Variants in COL23A1 observed in about 807,000 individuals in gnomAD.
The protein encoded by COL23A1 is collagen alpha-1(XXIII) chain.
Under a neutral mutation model 99.3 loss-of-function variants are expected in COL23A1, and 97 were observed. The observed-to-expected ratio is 0.98, with a 90% CI of 0.83 to 1.16. COL23A1 has a LOEUF of 1.16. COL23A1 is among the 50% of genes most tolerant of loss of function. COL23A1 has a pLI of 0.00. For synonymous variants in COL23A1, 320 were observed against 308.2 expected (o/e 1.04, Z -0.40); for missense variants, 762 against 757.4 (o/e 1.01, Z -0.07).
chr5:178,454,629 C>T (rs1191852694), intron 2 of COL23A1, among the ~76,000 whole-genome samples: 1 of 152,176 alleles, frequency 6.6e-6, no homozygotes, highest in Non-Finnish European at 1.5e-5. Flanking sequence ...GAGCAGGCTC[C>T]CAGCAGTGAC....
At chr5:178,245,300 T>TCATCCATCCATC (rs144926160) in intron 25 of COL23A1, among the ~76,000 whole-genome samples, 1 of 133,094 alleles carries the variant, frequency 7.5e-6, no homozygotes, top group Non-Finnish European at 1.6e-5. Context: ...ACTGCCATCA[T>TCATCCATCCATC]CATCCATCCA....
chr5:178,284,771 G>C (rs983707456), intron 5 of COL23A1, among the ~76,000 whole-genome samples: 9 of 152,026 alleles, frequency 5.9e-5, no homozygotes, highest in African/African-American at 2.2e-4. Context: ...GAAAAAAATA[G>C]TACAAAAAAG....
intron 2 of COL23A1, among the ~76,000 whole-genome samples, chr5:178,493,243 C>T (rs564648198): frequency 6.6e-6 from 1 of 152,348 alleles, no homozygotes; most frequent in African/African-American, 2.4e-5. Context: ...CCAGGCCATA[C>T]ACCATTCCTT....
chr5:178,590,344 G>T lies in COL23A1; in HGVS notation c.-147C>A. The T allele has an allele frequency of 1.6e-6, 1 of 631,616 alleles. No homozygotes were observed. Among genetic ancestry groups the T allele is most frequent in the Non-Finnish European group, 2.2e-6 (1 of 462,486 alleles). 39.1% of individuals were successfully genotyped at this position (631,616 alleles called of 1,614,324 possible). On this transcript the variant is annotated 5_prime_UTR_variant, in exon 1 of 29. Transcript: ENST00000390654. The surrounding 1 kb of genome is among the most constrained non-coding windows in gnomAD (Gnocchi z 5.7). ...CGGGTAGCAGCGGATCGCCGCGCAC[G>T]CCCCCTTCGCCGCAGCCAGCTCCTC...
At chr5:178,492,031 G>A (rs1757961181) in intron 2 of COL23A1, among the ~76,000 whole-genome samples, 1 of 151,978 alleles carries the variant, frequency 6.6e-6, no homozygotes, top group Non-Finnish European at 1.5e-5. Flanking sequence ...CACCACACCA[G>A]GCCAATTATT....
chr5:178,247,464 G>A (rs1764763741), intron 22 of COL23A1, 62 bp downstream of exon 22: 2 of 1,591,424 alleles, frequency 1.3e-6, no homozygotes, highest in South Asian at 1.1e-5. Context: ...CCATTGGCAA[G>A]GCTCTTGGAA....
At chr5:178,518,465 A>C (rs1431723070) in intron 2 of COL23A1, among the ~76,000 whole-genome samples, 9 of 142,472 alleles carry the variant, frequency 6.3e-5, no homozygotes, top group East Asian at 2.3e-4. Flanking sequence ...ACTTCCCAGT[A>C]GGGGCGGCCG....
chr5:178,342,562 C>T (rs1289598249), intron 2 of COL23A1, among the ~76,000 whole-genome samples: 1 of 152,166 alleles, frequency 6.6e-6, no homozygotes, highest in African/African-American at 2.4e-5. Flanking sequence ...TTCCCAGGTC[C>T]CACCGGCCAG....
intron 3 of COL23A1, among the ~76,000 whole-genome samples, chr5:178,300,965 G>A (rs954294788): frequency 6.6e-6 from 1 of 152,106 alleles, no homozygotes; most frequent in Non-Finnish European, 1.5e-5. Flanking sequence ...TCTTAGATGT[G>A]TAGATTAATG....
At chr5:178,527,743 G>GACGCCCCTGCCC (rs1003107101) in intron 2 of COL23A1, among the ~76,000 whole-genome samples, 9 of 152,202 alleles carry the variant, frequency 5.9e-5, no homozygotes, top group Admixed American at 2.6e-4. Context: ...CTGCCACTCA[G>GACGCCCCTGCCC]ACGCCCCTGC....
chr5:178,425,142 G>A (rs550957073), intron 2 of COL23A1, among the ~76,000 whole-genome samples: 6 of 152,320 alleles, frequency 3.9e-5, no homozygotes, highest in African/African-American at 1.4e-4. Context: ...AAAGGGTTGC[G>A]GCCGGTTTGG....
chr5:178,246,032 G>A (rs1316609839), intron 24 of COL23A1, 64 bp from the exon 25 acceptor site: 14 of 1,584,298 alleles, frequency 8.8e-6, no homozygotes, highest in Non-Finnish European at 1.1e-5. Flanking sequence ...CAGCTGCTGG[G>A]AAGTCCAGCC....
Position 178,242,146 on chromosome 5 carries a change from T to C in COL23A1, c.1495-18A>G, listed in dbSNP as rs1299604926. 19 of 1,543,994 alleles carry C rather than the reference T, an allele frequency of 1.2e-5. No homozygotes were observed. Among genetic ancestry groups the C allele is most frequent in the South Asian group, 4.8e-5 (4 of 83,976 alleles). Reference sequence around the variant, plus strand: ...CGTTCTCCCTGTGCAGGAGGGGAGATGGTGGTATTGGTCATGGCTGCCAGG... The same window carrying C: ...CGTTCTCCCTGTGCAGGAGGGGAGACGGTGGTATTGGTCATGGCTGCCAGG... On this transcript the variant is annotated intron_variant, in intron 26 of 28. Coordinates refer to ENST00000390654, the MANE Select transcript of COL23A1 (RefSeq NM_173465.4).
At chr5:178,392,953 C>T (rs930988927) in intron 2 of COL23A1, among the ~76,000 whole-genome samples, 3 of 152,206 alleles carry the variant, frequency 2.0e-5, no homozygotes, top group African/African-American at 7.2e-5. Flanking sequence ...CAGTACAGAA[C>T]GCCCTCCCTC....
chr5:178,351,517 C>T (rs1761326045), intron 2 of COL23A1, among the ~76,000 whole-genome samples: 1 of 152,176 alleles, frequency 6.6e-6, no homozygotes, highest in Non-Finnish European at 1.5e-5. Context: ...CCACAGGACC[C>T]CCAGGGGCCA....
chr5:178,572,043 G>A (rs1382098388), intron 1 of COL23A1, among the ~76,000 whole-genome samples: 1 of 140,834 alleles, frequency 7.1e-6, no homozygotes, highest in Non-Finnish European at 1.5e-5. Context: ...ACTCCAGCCT[G>A]GGTGACAGAG....
intron 2 of COL23A1, among the ~76,000 whole-genome samples, chr5:178,320,471 G>A (rs1056385192): frequency 5.3e-5 from 8 of 152,192 alleles, no homozygotes; most frequent in African/African-American, 1.9e-4. Flanking sequence ...GGTCCCACGC[G>A]GCCCCCACGC....
intron 2 of COL23A1, among the ~76,000 whole-genome samples, chr5:178,360,856 A>G (rs1306697980): frequency 1.3e-5 from 2 of 152,204 alleles, no homozygotes; most frequent in African/African-American, 4.8e-5. Flanking sequence ...AACAGAGCCA[A>G]TGTGATGGGA....
At chr5:178,490,345 A>G (rs1325768310) in intron 2 of COL23A1, among the ~76,000 whole-genome samples, 1 of 152,218 alleles carries the variant, frequency 6.6e-6, no homozygotes, top group East Asian at 1.9e-4. Context: ...TAAGCCACAC[A>G]AAAAGGATAA....
Sources: gnomAD v4.1 joint callset for allele counts (sites outside exome capture counted in the v4.1 genomes callset) on GRCh38, gnomAD v4.1.1 for gene constraint, Gnocchi (gnomAD v3.1) non-coding constraint, MANE v1.5 for transcripts, NCBI Gene and HGNC (gene_info 2026-07-23, HGNC 2026-07-21) for gene names.